Variants in PCDHGB5 observed in about 807,000 individuals in gnomAD.
PCDHGB5 encodes the protein protocadherin gamma-B5.
PCDHGB5 carries 48 observed loss-of-function variants against 62.9 expected under a neutral mutation model. The ratio of observed to expected loss-of-function variants is 0.76; its 90% confidence interval spans 0.61 to 0.97. The LOEUF (loss-of-function observed/expected upper bound fraction) is 0.97, where lower values mean the gene tolerates loss of function less well. Ranked by LOEUF, PCDHGB5 falls within the 50% of genes least tolerant of loss-of-function variation. The pLI, the probability that PCDHGB5 is intolerant of heterozygous loss-of-function variation, is 0.00. For synonymous variants in PCDHGB5, 474 were observed against 511.2 expected, an observed-to-expected ratio of 0.93 and a Z score of 0.98; for missense variants, 1,118 against 1,198.6, an observed-to-expected ratio of 0.93 and a Z score of 0.99.
chr5:141,431,582 G>A lies in PCDHGB5; in HGVS notation c.2397+31058G>A. On this transcript the variant is annotated intron_variant, in intron 1 of 3. Coordinates refer to ENST00000617380, the MANE Select transcript of PCDHGB5 (RefSeq NM_018925.3). The surrounding 1 kb of genome is among the most constrained non-coding windows in gnomAD (Gnocchi z 4.8). Reference sequence around the variant, plus strand: ...TACCGACCCTGACGAAGGAGTCAATGCGGAAGTGAGGTATTCCTTCCGGTA... The same window carrying A: ...TACCGACCCTGACGAAGGAGTCAATACGGAAGTGAGGTATTCCTTCCGGTA... The A allele has an allele frequency of 6.2e-7, 1 of 1,614,210 alleles. No homozygotes were observed. Among genetic ancestry groups the A allele is most frequent in the Non-Finnish European group, 8.5e-7 (1 of 1,180,036 alleles).
intron 1 of PCDHGB5, chr5:141,421,835 G>A (rs755889809): frequency 5.6e-6 from 9 of 1,613,746 alleles, no homozygotes; most frequent in Non-Finnish European, 6.8e-6. Context: ...AGCCTGGACC[G>A]AGAGAAAGAG....
At position 141,423,418 on chromosome 5, in the gene PCDHGB5, G is replaced by T. The variant is rs1236092057; in HGVS notation, c.2397+22894G>T. On this transcript the variant is annotated intron_variant, in intron 1 of 3. Transcript: ENST00000617380. ...GTCACGCCTGCTGCAGGCTTCTGAAGGCGGGTTGGCAGGTATGCCCACGTC... is the reference window on the plus strand; with the variant it reads ...GTCACGCCTGCTGCAGGCTTCTGAATGCGGGTTGGCAGGTATGCCCACGTC... 1.2e-6 allele frequency: 2 copies of T among 1,614,022 alleles called. No individual in the cohort carries two copies. Among genetic ancestry groups the T allele is most frequent in the South Asian group, 1.1e-5 (1 of 91,088 alleles).
rs1289333371 is a variant in PCDHGB5, at chr5:141,460,404, G to C, written c.2398-34403G>C. Among the ~76,000 whole-genome samples, 21 of 152,038 alleles carry C rather than the reference G, an allele frequency of 1.4e-4. 1 individual carries two copies. The highest frequency in any genetic ancestry group is 1.4e-3 in the Admixed American group (21 of 15,256). Reference sequence around the variant, plus strand: ...TATAATTTGGTCTATGAATCCTTTTGAGTTGATGTTTATGTATGGTGTATG... The same window carrying C: ...TATAATTTGGTCTATGAATCCTTTTCAGTTGATGTTTATGTATGGTGTATG... On this transcript the variant is annotated intron_variant, in intron 1 of 3. Transcript: ENST00000617380.
intron 1 of PCDHGB5, chr5:141,478,831 G>C: frequency 7.0e-7 from 1 of 1,435,672 alleles, no homozygotes; most frequent in Non-Finnish European, 9.1e-7. Flanking sequence ...ATCTTGCTAA[G>C]GGATGGTTAA....
chr5:141,451,914 A>G (rs1387569597), intron 1 of PCDHGB5, among the ~76,000 whole-genome samples: 3 of 152,022 alleles, frequency 2.0e-5, no homozygotes, highest in East Asian at 1.9e-4. Context: ...GGGAGGGAGG[A>G]AGGAAGGGAG....
In PCDHGB5 at chr5:141,489,928, G is replaced by A. The variant is rs752861962; in HGVS notation, c.2398-4879G>A. ...CCGCTCAGGGACCACCCTTATCTCT[G>A]TCATCGTGCTGGACATCAATGATAA... On this transcript the variant is annotated intron_variant, in intron 1 of 3. Transcript: ENST00000617380. The surrounding 1 kb of genome is among the most constrained non-coding windows in gnomAD (Gnocchi z 4.5). 2 of 1,614,206 alleles carry A rather than the reference G, an allele frequency of 1.2e-6. No homozygotes were observed. Among genetic ancestry groups the A allele is most frequent in the Non-Finnish European group, 1.7e-6 (2 of 1,180,038 alleles).
At chr5:141,408,566 G>A (rs779048929) in intron 1 of PCDHGB5, 2 of 1,613,912 alleles carry the variant, frequency 1.2e-6, no homozygotes, top group East Asian at 4.5e-5. Flanking sequence ...TGTCATTGTG[G>A]TGATTGAGGA....
Position 141,399,814 on chromosome 5 carries a change from C to T in PCDHGB5, c.1687C>T (p.Leu563=). ...CGCACCGCGGGTGCTGTACCCCGCG[C>T]TGGGTCCCGACGGCTCTGCGCTCTT... ...DNAPRVLYPA[L]GPDGSALFDM... The change falls in exon 1 of 4, where the codon CTG becomes TTG. Residue 563 remains leucine, a synonymous_variant. Transcript: ENST00000617380. The T allele has an allele frequency of 1.2e-6, 2 of 1,613,238 alleles. No individual in the cohort carries two copies. The highest frequency in any genetic ancestry group is 1.7e-6 in the Non-Finnish European group (2 of 1,179,756).
At chr5:141,402,971 T>C in intron 1 of PCDHGB5, 2 of 1,608,370 alleles carry the variant, frequency 1.2e-6, no homozygotes. Flanking sequence ...TCCAACCAAA[T>C]GCCAGCTCCG....
rs571120530 is a variant in PCDHGB5 at position 141,398,819 on chromosome 5, A to C, written c.692A>C (p.Gln231Pro). 6.2e-7 allele frequency: 1 copy of C among 1,613,994 alleles called. No homozygotes were observed. The highest frequency in any genetic ancestry group is 2.2e-5 in the East Asian group (1 of 44,876). Residue 231 changes from glutamine (Q) to proline (P), a missense_variant, in exon 1 of 4, where the codon CAG (glutamine) becomes CCG (proline). This residue lies in a region of PCDHGB5 where 1,034 missense variants were observed against 1,029.1 expected (regional missense o/e 1.00). Transcript: ENST00000617380. ...AGCGGCACCACTGAGCTCCGGATCC[A>C]GGTAACCGACGCCAATGATAATCCC... The part of the protein sequence containing the change: ...PLSGTTELRI[Q>P]VTDANDNPPV...
At position 141,477,896 on chromosome 5, in the gene PCDHGB5, G is replaced by A. The variant is rs1444527086; in HGVS notation, c.2398-16911G>A. 2 of 1,614,174 alleles carry A rather than the reference G, an allele frequency of 1.2e-6. No individual in the cohort carries two copies. Among genetic ancestry groups the A allele is most frequent in the Non-Finnish European group, 1.7e-6 (2 of 1,180,038 alleles). ...AGCTGGCCACCTAGTGTCACGGGTG[G>A]TAGGCTGGGACGCGGATGCAGGGCA... On this transcript the variant is annotated intron_variant, in intron 1 of 3. Coordinates refer to ENST00000617380, the MANE Select transcript of PCDHGB5 (RefSeq NM_018925.3). The surrounding 1 kb of genome is among the most constrained non-coding windows in gnomAD (Gnocchi z 4.9).
intron 1 of PCDHGB5, chr5:141,405,082 G>C: frequency 6.2e-7 from 1 of 1,613,794 alleles, no homozygotes; most frequent in East Asian, 2.2e-5. Context: ...TCGTTATCAC[G>C]CTGCTGGCCC....
intron 1 of PCDHGB5, chr5:141,414,279 A>G (rs1369675815): frequency 1.9e-6 from 3 of 1,613,350 alleles, no homozygotes; most frequent in Admixed American, 3.3e-5. Context: ...CTCTGGGAAC[A>G]GTCGTAGCCC....
intron 1 of PCDHGB5, chr5:141,478,354 C>G (rs141625672): frequency 2.8e-5 from 45 of 1,613,660 alleles, no homozygotes; most frequent in Non-Finnish European, 3.2e-5. Flanking sequence ...ACGCGGACGC[C>G]GTGCGGGGAG....
At position 141,400,093 on chromosome 5, in the gene PCDHGB5, C is replaced by G. The variant is rs1225718379; in HGVS notation, c.1966C>G (p.Leu656Val). 1.2e-6 allele frequency: 2 copies of G among 1,614,094 alleles called. No homozygotes were observed. The highest frequency in any genetic ancestry group is 1.7e-6 in the Non-Finnish European group (2 of 1,179,908). Reference sequence around the variant, plus strand: ...GCCGCCACTCTCCGCCACCGCCACGCTGCACTTGGTCTTTGCTGACAGCTT... The same window carrying G: ...GCCGCCACTCTCCGCCACCGCCACGGTGCACTTGGTCTTTGCTGACAGCTT... Reference protein sequence around the residue: ...GQPPLSATATLHLVFADSLQE... With the variant: ...GQPPLSATATVHLVFADSLQE... Residue 656 changes from leucine to valine, a missense_variant, in exon 1 of 4, where the codon CTG (leucine) becomes GTG (valine). Transcript: ENST00000617380.
chr5:141,443,308 C>T (rs1484035480), intron 1 of PCDHGB5, among the ~76,000 whole-genome samples: 7 of 136,252 alleles, frequency 5.1e-5, no homozygotes, highest in African/African-American at 2.2e-4. Context: ...TGGCAAAAAC[C>T]CATCTCTACA....
At position 141,399,640 on chromosome 5, in the gene PCDHGB5, G is replaced by C; in HGVS notation, c.1513G>C (p.Ala505Pro). 4 of 1,613,836 alleles carry C rather than the reference G, an allele frequency of 2.5e-6. No individual in the cohort carries two copies. The highest frequency in any genetic ancestry group is 3.4e-6 in the Non-Finnish European group (4 of 1,179,886). ...ACTGGCCTCTTACGTGTCCATGAGC[G>C]CGCAAAGTGGGGTGGTGTTCGCGCA... Reference protein sequence around the residue: ...LALASYVSMSAQSGVVFAQRA... With the variant: ...LALASYVSMSPQSGVVFAQRA... Residue 505 changes from alanine (A) to proline (P), a missense_variant, in exon 1 of 4, where the codon GCG (alanine) becomes CCG (proline). Ala to Pro is a conservative substitution (Grantham distance 27). Coordinates refer to ENST00000617380, the MANE Select transcript of PCDHGB5 (RefSeq NM_018925.3).
intron 1 of PCDHGB5, among the ~76,000 whole-genome samples, chr5:141,457,517 TTAA>T (rs1261688593): frequency 6.6e-6 from 1 of 152,196 alleles, no homozygotes; most frequent in Non-Finnish European, 1.5e-5. Flanking sequence ...TTAAAAACAA[TTAA>T]TGAGACTAGG....
At chr5:141,459,686 C>T (rs79275885) in intron 1 of PCDHGB5, among the ~76,000 whole-genome samples, 5,534 of 152,296 alleles carry the variant, frequency 0.036, 130 homozygotes, top group South Asian at 0.077. Flanking sequence ...ATGCATAAAG[C>T]GTTCCGCTTG....
Sources: allele counts gnomAD v4.1 joint callset (sites outside exome capture counted in the v4.1 genomes callset), GRCh38; gene constraint gnomAD v4.1.1; regional missense constraint gnomAD v4.1.1; non-coding constraint Gnocchi (gnomAD v3.1); transcripts MANE v1.5; gene names NCBI Gene and HGNC (gene_info 2026-07-23, HGNC 2026-07-21).